The following ILDR1 variants were observed in gnomAD, a reference collection of about 807,000 sequenced individuals.
ILDR1 encodes the protein immunoglobulin-like domain-containing receptor 1.
Under a neutral mutation model 62.4 loss-of-function variants are expected in ILDR1, and 56 were observed. That is an observed-to-expected ratio of 0.90 (90% CI 0.72 to 1.12). The LOEUF (loss-of-function observed/expected upper bound fraction) is 1.12. Among genes scored for constraint, ILDR1 ranks in the 50% most tolerant of loss-of-function variants. ILDR1 has a pLI of 0.00. For synonymous variants in ILDR1, 284 were observed against 277.8 expected, an observed-to-expected ratio of 1.02 and a Z score of -0.22; for missense variants, 736 against 710.6, an observed-to-expected ratio of 1.04 and a Z score of -0.41.
Position 122,022,231 on chromosome 3 carries a change from C to G in ILDR1, c.-154G>C, listed in dbSNP as rs543538704. The G allele has an allele frequency of 3.2e-6, 2 of 633,858 alleles. No homozygotes were observed. Among genetic ancestry groups the G allele is most frequent in the Non-Finnish European group, 5.2e-6 (2 of 383,604 alleles). The allele number at this position is 633,858 out of a possible 1,614,324, so 39.3% of individuals were successfully genotyped here. A position where few individuals can be genotyped will look rare whatever the true frequency, so the allele number is the denominator to read the frequency against. Reference sequence around the variant, plus strand: ...GGGGAGGGAGCGTCCGCTCTGGTCCCGGGGCAGGTGCCGCCCGGCTCGTCC... The same window carrying G: ...GGGGAGGGAGCGTCCGCTCTGGTCCGGGGGCAGGTGCCGCCCGGCTCGTCC... On this transcript the variant is annotated 5_prime_UTR_variant, in exon 1 of 8. Coordinates refer to ENST00000344209, the MANE Select transcript of ILDR1 (RefSeq NM_001199799.2).
the ILDR1 span, among the ~76,000 whole-genome samples, chr3:122,034,917 G>C: frequency 0.033 from 5,085 of 152,224 alleles, 269 homozygotes; most frequent in African/African-American, 0.12. Context: ...ATGAGAACAG[G>C]ATGGGAAAGA....
chr3:121,988,494 A>T, intron 7 of ILDR1, 86 bp from the exon 8 acceptor site: 1 of 1,123,144 alleles, frequency 8.9e-7, no homozygotes, highest in Non-Finnish European at 1.4e-6. Flanking sequence ...CTCTTGATTT[A>T]CAAATCCTAA....
the ILDR1 span, among the ~76,000 whole-genome samples, chr3:122,037,003 G>A: frequency 6.6e-6 from 1 of 152,240 alleles, no homozygotes; most frequent in Admixed American, 6.5e-5. Context: ...ATGGTGTTAG[G>A]CCAGCAGGTG....
At chr3:122,039,773 T>A in the ILDR1 span, among the ~76,000 whole-genome samples, 1 of 152,062 alleles carries the variant, frequency 6.6e-6, no homozygotes, top group Non-Finnish European at 1.5e-5. Flanking sequence ...TATTTCAATG[T>A]GCTAAAAGAA....
chr3:121,996,727 T>C (rs570837514), intron 5 of ILDR1, among the ~76,000 whole-genome samples: 95 of 152,322 alleles, frequency 6.2e-4, no homozygotes, highest in Admixed American at 1.4e-3. Context: ...TCAGCTGGTC[T>C]AATGCAAGGC....
At chr3:122,061,642 C>T in the ILDR1 span, among the ~76,000 whole-genome samples, 3 of 152,004 alleles carry the variant, frequency 2.0e-5, no homozygotes, top group Non-Finnish European at 4.4e-5. Flanking sequence ...AAAATTAAAC[C>T]ACTACCTACC....
intron 1 of ILDR1, among the ~76,000 whole-genome samples, chr3:122,013,906 T>A (rs1192326185): frequency 6.6e-6 from 1 of 152,206 alleles, no homozygotes; most frequent in Non-Finnish European, 1.5e-5. Context: ...GGTGTTTTAT[T>A]ATACATTATC....
At chr3:122,001,563 T>C in intron 4 of ILDR1, 109 bp from the exon 5 acceptor site, 1 of 1,494,544 alleles carries the variant, frequency 6.7e-7, no homozygotes, top group Non-Finnish European at 9.3e-7. Flanking sequence ...ACCTACAGGT[T>C]AAAGTTGAGC....
intron 1 of ILDR1, among the ~76,000 whole-genome samples, chr3:122,018,960 G>T (rs542378789): frequency 1.3e-5 from 2 of 152,282 alleles, no homozygotes; most frequent in Admixed American, 1.3e-4. Context: ...GTCTCTCTAA[G>T]GATATTCTTA....
intron 5 of ILDR1, among the ~76,000 whole-genome samples, chr3:121,996,987 G>A (rs999377173): frequency 6.6e-6 from 1 of 152,116 alleles, no homozygotes; most frequent in East Asian, 1.9e-4. Context: ...TGCAACCTTC[G>A]CCTCTGGGGT....
At chr3:122,033,215 G>A in the ILDR1 span, among the ~76,000 whole-genome samples, 1 of 151,384 alleles carries the variant, frequency 6.6e-6, no homozygotes, top group South Asian at 2.1e-4. Context: ...ATTTTGCTGT[G>A]GTTTAATTTG....
chr3:121,993,838 G>C lies in ILDR1; in HGVS notation c.911C>G (p.Pro304Arg), dbSNP rs1461382827. 2 of 1,614,154 alleles carry C rather than the reference G, an allele frequency of 1.2e-6. No individual in the cohort carries two copies. Among genetic ancestry groups the C allele is most frequent in the Non-Finnish European group, 1.7e-6 (2 of 1,180,028 alleles). The change falls in exon 7 of 8, where the codon CCT becomes CGT. Residue 304 changes from proline to arginine, a missense_variant. Physicochemically the swap from Pro to Arg is moderately radical, Grantham distance 103. Transcript: ENST00000344209. ...RNLNLAQPLP[P>R]DLKGRFGHPC... ...ATGGCCAAATCTGCCTTTGAGGTCA[G>C]GGGGCAGAGGCTGGGCCAGGTTGAG...
chr3:122,001,525 C>T (rs2071525738), intron 4 of ILDR1, 71 bp from the exon 5 acceptor site: 1 of 1,566,518 alleles, frequency 6.4e-7, no homozygotes, highest in Non-Finnish European at 8.8e-7. Context: ...GTTCTGATAT[C>T]CTAGAGGTCT....
chr3:122,011,317 T>C (rs184733284), intron 1 of ILDR1, among the ~76,000 whole-genome samples: 1 of 151,932 alleles, frequency 6.6e-6, no homozygotes, highest in East Asian at 1.9e-4. Context: ...TGCTGTGGGG[T>C]AGCTTTGAAG....
At position 121,994,268 on chromosome 3, in the gene ILDR1, G is replaced by C; in HGVS notation, c.692C>G (p.Pro231Arg). The change falls in exon 6 of 8, where the codon CCT (proline) becomes CGT (arginine). Residue 231 changes from proline to arginine, a missense_variant. Physicochemically the swap from Pro to Arg is moderately radical, Grantham distance 103. Transcript: ENST00000344209. ...RYMKQAQALG[P>R]QMMGKPLYWG... The stretch of plus-strand genomic sequence containing the variant: ...GTACAGGGGTTTTCCCATCATCTGA[G>C]GACCTAGGGCCTGGGCCTGCTTCAT... 6.5e-7 allele frequency: 1 copy of C among 1,536,064 alleles called. No homozygotes were observed. The highest frequency in any genetic ancestry group is 8.7e-7 in the Non-Finnish European group (1 of 1,146,866).
intron 1 of ILDR1, among the ~76,000 whole-genome samples, chr3:122,012,713 A>G (rs1415129640): frequency 5.3e-5 from 8 of 152,242 alleles, no homozygotes; most frequent in Admixed American, 3.9e-4. Flanking sequence ...ACATATAGAC[A>G]TTCAACAAAC....
At chr3:122,059,206 T>A in the ILDR1 span, among the ~76,000 whole-genome samples, 1 of 151,992 alleles carries the variant, frequency 6.6e-6, no homozygotes, top group Non-Finnish European at 1.5e-5. Context: ...TCTGCATAAG[T>A]ATGGTTGACA....
chr3:121,993,986 G>C lies in ILDR1; in HGVS notation c.779-16C>G. ...AGGGACAAATCTGAATGGAAACAAG[G>C]ACAGGACAATAGAACAAATGGCCCA... On this transcript the variant is annotated splice_polypyrimidine_tract_variant and intron_variant, in intron 6 of 7. Transcript: ENST00000344209. 6.2e-7 allele frequency: 1 copy of C among 1,603,486 alleles called. No homozygotes were observed. Among genetic ancestry groups the C allele is most frequent in the Non-Finnish European group, 8.5e-7 (1 of 1,178,258 alleles).
At chr3:122,005,001 T>C (rs542461610) in intron 3 of ILDR1, among the ~76,000 whole-genome samples, 1 of 152,180 alleles carries the variant, frequency 6.6e-6, no homozygotes, top group Admixed American at 6.5e-5. Context: ...CCCCTAGACC[T>C]TTAGCCAAAG....
Sources: allele counts gnomAD v4.1 joint callset (sites outside exome capture counted in the v4.1 genomes callset), GRCh38; gene constraint gnomAD v4.1.1; transcripts MANE v1.5; gene names NCBI Gene and HGNC (gene_info 2026-07-23, HGNC 2026-07-21).